TENM2: variants seen among roughly 807,000 people sequenced by gnomAD.
The protein encoded by TENM2 is teneurin-2.
In TENM2, 52 loss-of-function variants were observed where a neutral mutation model predicts 245.2. The ratio of observed to expected loss-of-function variants is 0.21; its 90% CI spans 0.17 to 0.27. The LOEUF (loss-of-function observed/expected upper bound fraction) is 0.27, where lower values mean the gene tolerates loss of function less well. Among genes scored for constraint, TENM2 ranks in the 10% least tolerant of loss-of-function variants. TENM2 has a pLI of 1.00. For synonymous variants in TENM2, 1,363 were observed against 1,438.9 expected (o/e 0.95, Z 1.19); for missense variants, 3,046 against 3,666.8 (o/e 0.83, Z 4.37).
chr5:167,267,423 G>T, the TENM2 span, among the ~76,000 whole-genome samples: 3 of 152,128 alleles, frequency 2.0e-5, no homozygotes, highest in Non-Finnish European at 4.4e-5. Context: ...GAAGAAGCCA[G>T]ATTCACTTTC....
chr5:167,929,276 A>AGGG (rs929800590), intron 3 of TENM2, among the ~76,000 whole-genome samples: 6 of 151,774 alleles, frequency 4.0e-5, no homozygotes, highest in Non-Finnish European at 8.8e-5. Flanking sequence ...GAAGGGAGGG[A>AGGG]GGGTGAAGAT....
Position 167,449,022 on chromosome 5 carries a change from G to A in TENM2, c.502+73549G>A, listed in dbSNP as rs143204050. Among the ~76,000 whole-genome samples the A allele has an allele frequency of 6.6e-3, 996 of 151,702 alleles. 8 individuals are homozygous for A. The highest frequency in any genetic ancestry group is 0.023 in the African/African-American group (946 of 41,340). On this transcript the variant is annotated intron_variant, in intron 2 of 28. Transcript: ENST00000518659. ...TGTGCCTTCTTATCTCTGTGATAAG[G>A]CATTTATTTGTTTCTAAATGTTGAC...
the TENM2 span, among the ~76,000 whole-genome samples, chr5:167,024,099 G>A: frequency 6.6e-6 from 1 of 152,044 alleles, no homozygotes; most frequent in Admixed American, 6.6e-5. Context: ...TCAAAATAAG[G>A]TAATAGGCTA....
chr5:168,180,909 TA>T (rs5873093), intron 13 of TENM2, among the ~76,000 whole-genome samples: 67,539 of 148,584 alleles, frequency 0.45, 17,316 homozygotes, highest in Non-Finnish European at 0.58. Flanking sequence ...TCTTAAAATT[TA>T]AAAAAAAAAA....
intron 2 of TENM2, among the ~76,000 whole-genome samples, chr5:167,663,178 G>GAGAGAGAGAGAA (rs1755344688): frequency 1.4e-5 from 2 of 139,094 alleles, no homozygotes; most frequent in Admixed American, 7.0e-5. Context: ...GAGAGAGAGA[G>GAGAGAGAGAGAA]AGAGAGAGAA....
intron 2 of TENM2, among the ~76,000 whole-genome samples, chr5:167,438,678 T>C (rs1322150920): frequency 6.6e-6 from 1 of 152,208 alleles, no homozygotes; most frequent in African/African-American, 2.4e-5. Flanking sequence ...ATTATAGGCA[T>C]GAGCCACCGC....
chr5:167,105,869 CA>C, the TENM2 span, among the ~76,000 whole-genome samples: 2 of 102,130 alleles, frequency 2.0e-5, no homozygotes, highest in African/African-American at 8.1e-5. Flanking sequence ...GCCTGGGCGA[CA>C]GAGCGAGACT....
chr5:167,867,547 T>C (rs1392531226), intron 2 of TENM2, among the ~76,000 whole-genome samples: 4 of 152,216 alleles, frequency 2.6e-5, no homozygotes, highest in Non-Finnish European at 5.9e-5. Flanking sequence ...CTGAAAACGA[T>C]TTGTTTTCAA....
chr5:167,201,049 C>G, the TENM2 span, among the ~76,000 whole-genome samples: 1 of 152,158 alleles, frequency 6.6e-6, no homozygotes, highest in African/African-American at 2.4e-5. Context: ...TGCCTGCCAA[C>G]TTCATGTCTT....
At chr5:167,724,519 G>T (rs1365552697) in intron 2 of TENM2, among the ~76,000 whole-genome samples, 1 of 151,908 alleles carries the variant, frequency 6.6e-6, no homozygotes, top group Non-Finnish European at 1.5e-5. Flanking sequence ...CATTCTATTG[G>T]GTGGAGGGAA....
At chr5:167,661,163 A>T (rs987147627) in intron 2 of TENM2, among the ~76,000 whole-genome samples, 2 of 152,202 alleles carry the variant, frequency 1.3e-5, no homozygotes, top group African/African-American at 4.8e-5. Flanking sequence ...GCATTTAAAT[A>T]GCTTATAGTT....
chr5:168,216,753 G>T lies in TENM2; in HGVS notation c.4079-15G>T. 1 of 1,613,498 alleles carries T rather than the reference G, an allele frequency of 6.2e-7. No homozygotes were observed. The highest frequency in any genetic ancestry group is 8.5e-7 in the Non-Finnish European group (1 of 1,179,572). On this transcript the variant is annotated splice_polypyrimidine_tract_variant and intron_variant, in intron 21 of 28. Transcript: ENST00000518659. ...CCTTTCCAAGAGATAAATCCACACC[G>T]CTTGTCTTGCTCAGGTATTGCAGTA...
chr5:167,303,290 G>A, intron 1 of TENM2: 1 of 155,084 alleles, frequency 6.4e-6, no homozygotes, highest in Non-Finnish European at 1.4e-5. Flanking sequence ...TCTGTGTGAA[G>A]AGACCACCAA....
rs1257659446 is a variant in TENM2, at chr5:168,173,598, C to T, written c.2569+10841C>T. Among the ~76,000 whole-genome samples, 5 of 152,248 alleles carry T rather than the reference C, an allele frequency of 3.3e-5. No homozygotes were observed. In the East Asian group the frequency reaches 7.7e-4, roughly 24 times the overall value. ...CACCCTCCCCCACACCAGCCACACT[C>T]CTGGACAGACCACTCACCACCAAAA... On this transcript the variant is annotated intron_variant, in intron 13 of 28. Transcript: ENST00000518659.
At chr5:167,952,649 C>T in exon 4 of TENM2, 2 of 1,613,306 alleles carry the variant, frequency 1.2e-6, no homozygotes, top group Non-Finnish European at 1.7e-6. Context: ...CTCACAACCA[C>T]ACGCTGTCCC....
At chr5:168,161,063 G>T (rs1200339487) in intron 12 of TENM2, among the ~76,000 whole-genome samples, 1 of 152,054 alleles carries the variant, frequency 6.6e-6, no homozygotes, top group Non-Finnish European at 1.5e-5. Context: ...CATATATTAG[G>T]TTTATCAGCA....
At chr5:166,987,701 G>A in the TENM2 span, among the ~76,000 whole-genome samples, 1 of 151,990 alleles carries the variant, frequency 6.6e-6, no homozygotes, top group East Asian at 1.9e-4. Context: ...AGGATGTGCC[G>A]GTTGCCTGTG....
At chr5:167,579,125 G>A (rs1199665963) in intron 2 of TENM2, among the ~76,000 whole-genome samples, 1 of 152,070 alleles carries the variant, frequency 6.6e-6, no homozygotes, top group Non-Finnish European at 1.5e-5. Flanking sequence ...ATCAGAGATG[G>A]GGTGCTGCCC....
rs1171026288 is a variant in TENM2, at chr5:168,173,559, G to T, written c.2569+10802G>T. Among the ~76,000 whole-genome samples the T allele has an allele frequency of 2.6e-5, 4 of 152,068 alleles. No individual in the cohort carries two copies. The South Asian group carries it at 6.3e-4, about 24-fold the overall frequency. On this transcript the variant is annotated intron_variant, in intron 13 of 28. Coordinates refer to ENST00000518659, the Ensembl canonical transcript of TENM2. The stretch of plus-strand genomic sequence containing the variant: ...CTGCTCAGACCTCTTGTCATTGATG[G>T]CAATGACAGAAAACACCCTCCCCCA...
Sources: allele counts gnomAD v4.1 joint callset (sites outside exome capture counted in the v4.1 genomes callset), GRCh38; gene constraint gnomAD v4.1.1; transcripts MANE v1.5; gene names NCBI Gene and HGNC (gene_info 2026-07-23, HGNC 2026-07-21).